Variants in PINX1 observed in about 807,000 individuals in gnomAD.
PINX1 encodes the protein PIN2 (TERF1) interacting telomerase inhibitor 1.
PINX1 carries 34 observed loss-of-function variants against 25.4 expected under a neutral mutation model. The observed-to-expected ratio is 1.34, with a 90% CI of 1.02 to 1.78. The LOEUF is 1.78. Among genes scored for constraint, PINX1 ranks in the 40% most tolerant of loss-of-function variants. The pLI, the probability that PINX1 is intolerant of heterozygous loss-of-function variation, is 0.00. For missense variants in PINX1, 592 were observed against 404.9 expected (o/e 1.46, Z -3.97); for synonymous variants, 197 against 147.7 (o/e 1.33, Z -2.42).
At chr8:10,777,125 AAAC>A (rs1801420028) in intron 6 of PINX1, among the ~76,000 whole-genome samples, 2 of 152,198 alleles carry the variant, frequency 1.3e-5, no homozygotes, top group Admixed American at 1.3e-4. Context: ...AGCTCTAACC[AAAC>A]AAAACAGCCC....
chr8:10,792,998 A>T (rs1563213687), intron 6 of PINX1, among the ~76,000 whole-genome samples: 1 of 152,192 alleles, frequency 6.6e-6, no homozygotes, highest in East Asian at 1.9e-4. Flanking sequence ...TGCCACTTCC[A>T]TGGATTTGCT....
At chr8:10,813,127 T>C (rs1228795718) in intron 6 of PINX1, among the ~76,000 whole-genome samples, 4 of 152,182 alleles carry the variant, frequency 2.6e-5, no homozygotes, top group African/African-American at 9.7e-5. Context: ...AAAATGAATT[T>C]TGGAACTCAA....
At chr8:10,831,534 C>T (rs1798226243) in intron 4 of PINX1, 131 bp downstream of exon 4, 2 of 648,032 alleles carry the variant, frequency 3.1e-6, no homozygotes, top group South Asian at 3.6e-5. Context: ...AAATTGTGCA[C>T]AGGTATTGAC....
chr8:10,771,010 C>A (rs71516595), intron 6 of PINX1, among the ~76,000 whole-genome samples: 1 of 152,106 alleles, frequency 6.6e-6, no homozygotes, highest in South Asian at 2.1e-4. Flanking sequence ...ATGGCTATTG[C>A]CTGTGATGAA....
intron 6 of PINX1, among the ~76,000 whole-genome samples, chr8:10,785,104 G>A (rs778419606): frequency 1.3e-5 from 2 of 152,236 alleles, no homozygotes; most frequent in Admixed American, 1.3e-4. Context: ...TTCCCATAAC[G>A]TTTTAAGCTA....
chr8:10,766,236 T>C (rs1801040051), intron 6 of PINX1, among the ~76,000 whole-genome samples: 1 of 152,216 alleles, frequency 6.6e-6, no homozygotes, highest in Admixed American at 6.5e-5. Context: ...TCTGAGTAAA[T>C]GTCTCCCTAG....
intron 6 of PINX1, among the ~76,000 whole-genome samples, chr8:10,810,864 A>C (rs1797493386): frequency 6.6e-6 from 1 of 152,260 alleles, no homozygotes; most frequent in African/African-American, 2.4e-5. Context: ...GACAGGAGTC[A>C]CTTCACTAGA....
At chr8:10,832,764 A>T (rs1385544126) in intron 3 of PINX1, 128 bp downstream of exon 3, 3 of 576,062 alleles carry the variant, frequency 5.2e-6, no homozygotes, top group Non-Finnish European at 9.5e-6. Flanking sequence ...GTCAGTGTTC[A>T]AGAGGAAACG....
intron 6 of PINX1, among the ~76,000 whole-genome samples, chr8:10,791,648 T>C (rs1002770643): frequency 6.6e-6 from 1 of 152,164 alleles, no homozygotes; most frequent in African/African-American, 2.4e-5. Flanking sequence ...GTGGGTTATT[T>C]TGGTTTGGGG....
Position 10,787,713 on chromosome 8 carries a change from C to T in PINX1, c.472-21797G>A, listed in dbSNP as rs537138810. ...TATGTGGTTAAAGTGAGTCAGTGTA[C>T]GGTCTCTTTACGAAGTGAATACATT... On this transcript the variant is annotated intron_variant, in intron 6 of 6. Coordinates refer to ENST00000314787, the MANE Select transcript of PINX1 (RefSeq NM_017884.6). 34 of 433,430 alleles carry T rather than the reference C, an allele frequency of 7.8e-5. 1 individual carries two copies. The highest frequency in any genetic ancestry group is 3.1e-4 in the African/African-American group (15 of 48,956). The allele number at this position is 433,430 out of a possible 1,614,324, so 26.8% of individuals were successfully genotyped here. A position where few individuals can be genotyped will look rare whatever the true frequency, so the allele number is the denominator to read the frequency against.
intron 6 of PINX1, among the ~76,000 whole-genome samples, chr8:10,796,745 A>G (rs1049303951): frequency 6.6e-6 from 1 of 151,970 alleles, no homozygotes; most frequent in African/African-American, 2.4e-5. Flanking sequence ...AAAAAAAAAA[A>G]GGGTTCCAGT....
intron 6 of PINX1, among the ~76,000 whole-genome samples, chr8:10,779,252 C>T (rs1357994944): frequency 6.6e-6 from 1 of 152,160 alleles, no homozygotes; most frequent in Admixed American, 6.5e-5. Flanking sequence ...TCAGGTTCCA[C>T]TTAAAGGCCG....
intron 6 of PINX1, among the ~76,000 whole-genome samples, chr8:10,805,583 A>G (rs56377406): frequency 7.2e-5 from 9 of 124,796 alleles, no homozygotes; most frequent in African/African-American, 1.6e-4. Flanking sequence ...TGAGGGGGTG[A>G]CAGAGCACAG....
chr8:10,819,487 CT>C (rs1470072133), intron 6 of PINX1, among the ~76,000 whole-genome samples: 1 of 152,180 alleles, frequency 6.6e-6, no homozygotes, highest in African/African-American at 2.4e-5. Flanking sequence ...TACTTTTAGC[CT>C]GTTATCTTTA....
chr8:10,776,750 G>C (rs1032231424), intron 6 of PINX1, among the ~76,000 whole-genome samples: 4 of 152,110 alleles, frequency 2.6e-5, no homozygotes, highest in African/African-American at 4.8e-5. Context: ...GGATGGTGCT[G>C]CCCAGACCTG....
intron 6 of PINX1, among the ~76,000 whole-genome samples, chr8:10,810,145 C>G (rs1802582327): frequency 6.6e-6 from 1 of 152,214 alleles, no homozygotes; most frequent in Non-Finnish European, 1.5e-5. Context: ...CCCAACAACA[C>G]AAACACCTCC....
chr8:10,782,684 C>A (rs533275871), intron 6 of PINX1, among the ~76,000 whole-genome samples: 28 of 152,150 alleles, frequency 1.8e-4, no homozygotes, highest in African/African-American at 6.0e-4. Context: ...TGCAGTGAGC[C>A]GAGATGGTGC....
At chr8:10,779,856 G>A (rs568785714) in intron 6 of PINX1, among the ~76,000 whole-genome samples, 70 of 152,222 alleles carry the variant, frequency 4.6e-4, no homozygotes, top group African/African-American at 1.6e-3. Context: ...CAACCCCAAC[G>A]CCTAGACTGT....
chr8:10,827,366 C>T (rs1172455891), intron 4 of PINX1, among the ~76,000 whole-genome samples: 1 of 152,080 alleles, frequency 6.6e-6, no homozygotes, highest in Non-Finnish European at 1.5e-5. Flanking sequence ...AGGAAGACAT[C>T]CGAGTGGTAA....
Sources: gnomAD v4.1 joint callset for allele counts (sites outside exome capture counted in the v4.1 genomes callset) on GRCh38, gnomAD v4.1.1 for gene constraint, MANE v1.5 for transcripts, NCBI Gene and HGNC (gene_info 2026-07-23, HGNC 2026-07-21) for gene names.